HRH1: variants seen among roughly 807,000 people sequenced by gnomAD.
The protein encoded by HRH1 is histamine H1 receptor.
Under a neutral mutation model 10.3 loss-of-function variants are expected in HRH1, and 6 were observed. That is an observed-to-expected ratio of 0.58 (90% CI 0.32 to 1.15). The LOEUF (loss-of-function observed/expected upper bound fraction) is 1.15, where lower values mean the gene tolerates loss of function less well. Among genes scored for constraint, HRH1 ranks in the 50% most tolerant of loss-of-function variants. The pLI is 0.05. For missense variants in HRH1, 514 were observed against 615.3 expected (o/e 0.84, Z 1.74); for synonymous variants, 242 against 236.7 (o/e 1.02, Z -0.21).
chr3:11,217,603 A>G (rs147140240), intron 1 of HRH1, among the ~76,000 whole-genome samples: 1 of 152,280 alleles, frequency 6.6e-6, no homozygotes, highest in East Asian at 1.9e-4. Context: ...TTGTTCAGTA[A>G]ATATAGAGTT....
chr3:11,233,778 T>G (rs1939103688), intron 1 of HRH1, among the ~76,000 whole-genome samples: 1 of 152,172 alleles, frequency 6.6e-6, no homozygotes, highest in Non-Finnish European at 1.5e-5. Context: ...TTTGCAGAAA[T>G]CGTATCTGAC....
At chr3:11,242,537 G>A (rs1417898155) in intron 1 of HRH1, among the ~76,000 whole-genome samples, 2 of 145,490 alleles carry the variant, frequency 1.4e-5, no homozygotes, top group Admixed American at 1.4e-4. Flanking sequence ...AAAGGTCTGC[G>A]TCGCCATTCT....
intron 1 of HRH1, among the ~76,000 whole-genome samples, chr3:11,190,042 CAGG>C (rs544403393): frequency 3.9e-4 from 59 of 152,204 alleles, no homozygotes; most frequent in South Asian, 2.5e-3. Flanking sequence ...AGACTGTGAT[CAGG>C]AGAAGCCTAG....
intron 1 of HRH1, among the ~76,000 whole-genome samples, chr3:11,228,339 C>A (rs572152365): frequency 1.3e-5 from 2 of 152,108 alleles, no homozygotes; most frequent in Non-Finnish European, 2.9e-5. Flanking sequence ...TGTGCTCATG[C>A]CGCTGCACTC....
Position 11,259,602 on chromosome 3 carries a change from T to C in HRH1, c.565T>C (p.Trp189Arg). The change falls in exon 2 of 2, where the codon TGG (tryptophan) becomes CGG (arginine). Residue 189 changes from tryptophan (W) to arginine (R), a missense_variant. Transcript: ENST00000431010. This position sits in a 1 kb window ranked among gnomAD's most constrained non-coding sequence, Gnocchi z 4.6. ...TGAGACAGACTTCTATGATGTCACC[T>C]GGTTCAAGGTCATGACTGCCATCAT... The part of the protein sequence containing the change: ...KCETDFYDVT[W>R]FKVMTAIINF... 6.2e-7 allele frequency: 1 copy of C among 1,614,120 alleles called. No individual in the cohort carries two copies. Among genetic ancestry groups the C allele is most frequent in the Non-Finnish European group, 8.5e-7 (1 of 1,180,018 alleles).
rs150512254 is a variant in HRH1, at chr3:11,192,107, A to G, written c.-36+37553A>G. Among the ~76,000 whole-genome samples the G allele has an allele frequency of 1.6e-3, 248 of 152,328 alleles. 1 individual carries two copies. The highest frequency in any genetic ancestry group is 5.4e-3 in the African/African-American group (225 of 41,580). On this transcript the variant is annotated intron_variant, in intron 1 of 1. Coordinates refer to ENST00000431010, the MANE Select transcript of HRH1 (RefSeq NM_001098212.2). Reference sequence around the variant, plus strand: ...ATGAGTCACCTATCCATGGACCTTTATTAGTAGCAGTGGTAGTAGCAGTAC... The same window carrying G: ...ATGAGTCACCTATCCATGGACCTTTGTTAGTAGCAGTGGTAGTAGCAGTAC...
chr3:11,190,751 T>G (rs534574806), intron 1 of HRH1, among the ~76,000 whole-genome samples: 20 of 152,194 alleles, frequency 1.3e-4, no homozygotes, highest in African/African-American at 4.3e-4. Context: ...CTCGGGAGGC[T>G]GAGGTGGGAG....
chr3:11,184,967 C>T (rs930763413), intron 1 of HRH1, among the ~76,000 whole-genome samples: 12 of 148,454 alleles, frequency 8.1e-5, no homozygotes, highest in Middle Eastern at 3.6e-3. Flanking sequence ...GCTCAGTGGA[C>T]ATGGGGTTTA....
intron 1 of HRH1, among the ~76,000 whole-genome samples, chr3:11,198,650 T>A (rs1937767818): frequency 6.7e-6 from 1 of 150,304 alleles, no homozygotes. Flanking sequence ...GGCAGGAGGA[T>A]CGCTTGAGCC....
intron 1 of HRH1, among the ~76,000 whole-genome samples, chr3:11,211,019 G>A (rs370528440): frequency 6.6e-6 from 1 of 152,202 alleles, no homozygotes; most frequent in Admixed American, 6.5e-5. Flanking sequence ...ACATGACAAC[G>A]TCATAGCTCT....
chr3:11,139,238 C>T (rs1368494801), intron 1 of HRH1, among the ~76,000 whole-genome samples: 2 of 151,580 alleles, frequency 1.3e-5, no homozygotes, highest in Non-Finnish European at 2.9e-5. Context: ...CCACCTGCCT[C>T]AGCTTCCCAG....
intron 1 of HRH1, among the ~76,000 whole-genome samples, chr3:11,216,136 G>A (rs1434331255): frequency 2.6e-5 from 4 of 152,140 alleles, no homozygotes; most frequent in Admixed American, 1.3e-4. Flanking sequence ...TGAATGGTGA[G>A]TGGTGGAAAT....
intron 1 of HRH1, among the ~76,000 whole-genome samples, chr3:11,213,052 A>G (rs1938379355): frequency 6.6e-6 from 1 of 152,120 alleles, no homozygotes; most frequent in African/African-American, 2.4e-5. Flanking sequence ...TGACCACCCT[A>G]TATAAACAGC....
chr3:11,253,546 G>A (rs888738101), intron 1 of HRH1, among the ~76,000 whole-genome samples: 2 of 152,138 alleles, frequency 1.3e-5, no homozygotes, highest in Non-Finnish European at 2.9e-5. Context: ...TAAAAATTCT[G>A]TCGGTCCCTC....
At chr3:11,194,445 T>C (rs1456823605) in intron 1 of HRH1, among the ~76,000 whole-genome samples, 1 of 152,210 alleles carries the variant, frequency 6.6e-6, no homozygotes, top group Admixed American at 6.5e-5. Flanking sequence ...CGCCAGACAC[T>C]TACCCACGCT....
intron 1 of HRH1, among the ~76,000 whole-genome samples, chr3:11,188,183 A>C (rs534222804): frequency 3.0e-4 from 45 of 152,230 alleles, no homozygotes; most frequent in Non-Finnish European, 5.9e-4. Context: ...GACAATATCT[A>C]GCATTGGTAA....
intron 1 of HRH1, among the ~76,000 whole-genome samples, chr3:11,246,965 T>G (rs1397634095): frequency 1.3e-5 from 2 of 152,182 alleles, no homozygotes; most frequent in Admixed American, 1.3e-4. Flanking sequence ...GTGGGAGGAT[T>G]GCTTGAATCA....
At chr3:11,147,655 A>G (rs759359318) in intron 1 of HRH1, among the ~76,000 whole-genome samples, 1 of 152,196 alleles carries the variant, frequency 6.6e-6, no homozygotes, top group African/African-American at 2.4e-5. Context: ...CGTTCCCTCA[A>G]TATCATTGTT....
intron 1 of HRH1, among the ~76,000 whole-genome samples, chr3:11,204,448 G>A (rs1938042606): frequency 1.3e-5 from 2 of 152,154 alleles, no homozygotes; most frequent in South Asian, 4.1e-4. Flanking sequence ...AGAGGGAATA[G>A]CACTTGAAAA....
Sources: gnomAD v4.1 joint callset for allele counts (sites outside exome capture counted in the v4.1 genomes callset) on GRCh38, gnomAD v4.1.1 for gene constraint, Gnocchi (gnomAD v3.1) non-coding constraint, MANE v1.5 for transcripts, NCBI Gene and HGNC (gene_info 2026-07-23, HGNC 2026-07-21) for gene names.